The following WDPCP variants were observed in gnomAD, a reference collection of about 807,000 sequenced individuals.
WDPCP encodes WD repeat containing planar cell polarity effector, also known as WD repeat-containing and planar cell polarity effector protein fritz homolog.
Under a neutral mutation model 93.1 loss-of-function variants are expected in WDPCP, and 71 were observed. The observed-to-expected ratio is 0.76, with a 90% CI of 0.63 to 0.93. WDPCP has a LOEUF of 0.93. Ranked by LOEUF, WDPCP falls within the 40% of genes least tolerant of loss-of-function variation. The pLI is 0.00. For missense variants in WDPCP, 844 were observed against 887.4 expected, an observed-to-expected ratio of 0.95 and a Z score of 0.62; for synonymous variants, 315 against 315.0, an observed-to-expected ratio of 1.00 and a Z score of 0.00.
In WDPCP at chr2:63,283,170, T is replaced by A. The variant is rs552845634; in HGVS notation, c.1813-23761A>T. On this transcript the variant is annotated intron_variant, in intron 13 of 17. Transcript: ENST00000272321. ...ACTTTAAAATATAAATGTTTTTTAA[T>A]CGCTTGTGGGATGCATTTACAAAGA... Among the ~76,000 whole-genome samples, 338 of 152,310 alleles carry A rather than the reference T, an allele frequency of 2.2e-3. 2 individuals carry two copies. The highest frequency in any genetic ancestry group is 7.6e-3 in the African/African-American group (314 of 41,570).
At chr2:63,198,482 G>T (rs1400795766) in intron 14 of WDPCP, among the ~76,000 whole-genome samples, 1 of 152,128 alleles carries the variant, frequency 6.6e-6, no homozygotes, top group Non-Finnish European at 1.5e-5. Flanking sequence ...TGTTAAATTT[G>T]TAAGTTAACT....
intron 6 of WDPCP, among the ~76,000 whole-genome samples, chr2:63,472,360 TTCTTC>T (rs906326426): frequency 1.3e-5 from 2 of 151,914 alleles, no homozygotes; most frequent in Non-Finnish European, 2.9e-5. Flanking sequence ...ATTTCTTTTA[TTCTTC>T]TCTTCTGTTT....
chr2:63,421,183 G>C (rs1321285454), intron 9 of WDPCP, among the ~76,000 whole-genome samples: 3 of 152,048 alleles, frequency 2.0e-5, no homozygotes, highest in African/African-American at 7.2e-5. Context: ...AATGAAATCT[G>C]TCATTTGTAT....
chr2:63,753,260 G>C (rs188891410), intron 2 of WDPCP, among the ~76,000 whole-genome samples: 1 of 151,846 alleles, frequency 6.6e-6, no homozygotes, highest in African/African-American at 2.4e-5. Flanking sequence ...ATGAAACCCC[G>C]TCTTTACAAA....
At chr2:63,185,610 T>C (rs566314580) in intron 14 of WDPCP, among the ~76,000 whole-genome samples, 1 of 152,230 alleles carries the variant, frequency 6.6e-6, no homozygotes, top group African/African-American at 2.4e-5. Context: ...AAGCCAGGGT[T>C]ATAGGTCACA....
intron 17 of WDPCP, among the ~76,000 whole-genome samples, chr2:63,146,155 G>C (rs1671483297): frequency 6.6e-6 from 1 of 152,074 alleles, no homozygotes; most frequent in South Asian, 2.1e-4. Context: ...CTGCAAACAG[G>C]GATAGTTTGA....
chr2:63,572,701 C>CAAAAAAAAAAAAAAAAGAA lies in WDPCP; in HGVS notation c.75+15495_75+15496insTTCTTTTTTTTTTTTTTTT. 8.1e-5 allele frequency among the ~76,000 whole-genome samples: 2 copies of CAAAAAAAAAAAAAAAAGAA among 24,780 alleles called. 1 individual carries two copies. The highest frequency in any genetic ancestry group is 1.2e-4 in the Non-Finnish European group (2 of 16,478). 16.3% of individuals were successfully genotyped at this position (24,780 alleles called of 152,430 possible). ...TGGGTGACAGAGTGAGACTCTGTCT[C>CAAAAAAAAAAAAAAAAGAA]AAAAAAAAAAAAAAAAAAAAAAAAA... is the stretch of plus-strand genomic sequence containing the variant. On this transcript the variant is annotated intron_variant, in intron 1 of 17. Transcript: ENST00000272321.
chr2:63,418,080 T>G (rs2105328031), intron 9 of WDPCP, among the ~76,000 whole-genome samples: 1 of 152,300 alleles, frequency 6.6e-6, no homozygotes, highest in South Asian at 2.1e-4. Context: ...TTCCTAGCTA[T>G]AAGACTTTCT....
intron 1 of WDPCP, among the ~76,000 whole-genome samples, chr2:63,497,044 G>A (rs527741615): frequency 2.8e-5 from 4 of 143,178 alleles, no homozygotes; most frequent in Admixed American, 1.5e-4. Context: ...CCCAGGAGGC[G>A]AAGGTTGCAG....
chr2:63,580,490 G>A (rs1708423547), intron 1 of WDPCP, among the ~76,000 whole-genome samples: 1 of 151,978 alleles, frequency 6.6e-6, no homozygotes, highest in Non-Finnish European at 1.5e-5. Flanking sequence ...CTCTGATAAG[G>A]CCACAACATC....
chr2:63,685,812 A>G (rs963141281), intron 2 of WDPCP, among the ~76,000 whole-genome samples: 4 of 152,238 alleles, frequency 2.6e-5, no homozygotes, highest in Non-Finnish European at 4.4e-5. Context: ...GTGCAAATAA[A>G]TAAATGTGAT....
At chr2:63,403,654 A>G (rs1694322884) in intron 10 of WDPCP, 1 of 163,404 alleles carries the variant, frequency 6.1e-6, no homozygotes, top group African/African-American at 2.4e-5. Flanking sequence ...AGACACCAAT[A>G]ATCTAAAATA....
intron 1 of WDPCP, among the ~76,000 whole-genome samples, chr2:63,497,259 C>T (rs1701287023): frequency 6.6e-6 from 1 of 152,244 alleles, no homozygotes; most frequent in South Asian, 2.1e-4. Context: ...AAGGAGTGCC[C>T]TGTATCATCT....
chr2:63,654,332 G>A (rs141516862), intron 2 of WDPCP, among the ~76,000 whole-genome samples: 1,780 of 152,274 alleles, frequency 0.012, 24 homozygotes, highest in Non-Finnish European at 0.02. Context: ...CAGAATAGAG[G>A]TTCTTGGGGC....
chr2:63,422,469 A>T, intron 9 of WDPCP, among the ~76,000 whole-genome samples: 1 of 152,254 alleles, frequency 6.6e-6, no homozygotes, highest in East Asian at 1.9e-4. Context: ...AAAAACTGGT[A>T]AATAGAAAAT....
intron 14 of WDPCP, among the ~76,000 whole-genome samples, chr2:63,179,335 T>G (rs771012291): frequency 5.9e-5 from 9 of 151,634 alleles, no homozygotes; most frequent in Non-Finnish European, 1.2e-4. Context: ...CTCAGGGAAC[T>G]TTTCCTCATG....
chr2:63,218,916 G>A (rs1393609720), intron 14 of WDPCP, among the ~76,000 whole-genome samples: 1 of 152,104 alleles, frequency 6.6e-6, no homozygotes, highest in African/African-American at 2.4e-5. Flanking sequence ...TTTTAATTCA[G>A]TATATAGGGT....
chr2:63,231,696 G>A (rs1678900842), intron 14 of WDPCP, among the ~76,000 whole-genome samples: 1 of 152,102 alleles, frequency 6.6e-6, no homozygotes, highest in Non-Finnish European at 1.5e-5. Context: ...CAAACAAATG[G>A]AAGAACATTC....
At chr2:63,776,458 C>A (rs1416769044) in intron 2 of WDPCP, among the ~76,000 whole-genome samples, 2 of 151,856 alleles carry the variant, frequency 1.3e-5, no homozygotes, top group Non-Finnish European at 2.9e-5. Context: ...AGTTTGGGAC[C>A]AGCCTGGGCA....
Sources: allele counts gnomAD v4.1 joint callset (sites outside exome capture counted in the v4.1 genomes callset), GRCh38; gene constraint gnomAD v4.1.1; transcripts MANE v1.5; gene names NCBI Gene and HGNC (gene_info 2026-07-23, HGNC 2026-07-21).